Variants in CLYBL observed in about 807,000 individuals in gnomAD.
CLYBL encodes citramalyl-CoA lyase, also known as citramalyl-CoA lyase, mitochondrial.
A neutral mutation model predicts 38.9 loss-of-function variants in CLYBL; 31 were observed. The ratio of observed to expected loss-of-function variants is 0.80; its 90% CI spans 0.60 to 1.08. CLYBL has a LOEUF of 1.08. CLYBL is among the 50% of genes least tolerant of loss of function. The pLI is 0.00. For synonymous variants in CLYBL, 171 were observed against 158.6 expected, an observed-to-expected ratio of 1.08 and a Z score of -0.59; for missense variants, 434 against 411.6, an observed-to-expected ratio of 1.05 and a Z score of -0.47.
intron 1 of CLYBL, among the ~76,000 whole-genome samples, 176 bp downstream of exon 1, chr13:99,606,933 G>A (rs916570730): frequency 1.3e-5 from 2 of 152,174 alleles, no homozygotes; most frequent in Non-Finnish European, 2.9e-5. Context: ...GCTGCCGCCC[G>A]CGCCTCCCTT....
chr13:99,639,882 G>A (rs751297797), intron 1 of CLYBL, among the ~76,000 whole-genome samples: 8 of 152,128 alleles, frequency 5.3e-5, no homozygotes, highest in Non-Finnish European at 7.4e-5. Context: ...GGGCAACATA[G>A]CAAGACATTA....
intron 1 of CLYBL, among the ~76,000 whole-genome samples, chr13:99,645,497 CAAA>C (rs35412408): frequency 3.2e-5 from 3 of 94,180 alleles, no homozygotes; most frequent in Admixed American, 1.2e-4. Context: ...GACTCTGTCT[CAAA>C]AAAAAAAAAA....
chr13:99,693,835 A>T (rs2047942131), intron 1 of CLYBL, among the ~76,000 whole-genome samples: 1 of 152,094 alleles, frequency 6.6e-6, no homozygotes, highest in African/African-American at 2.4e-5. Flanking sequence ...CATCTTTCTG[A>T]TTTCTTCTGC....
chr13:99,713,141 AT>A (rs1483561149), intron 1 of CLYBL, among the ~76,000 whole-genome samples: 1 of 151,350 alleles, frequency 6.6e-6, no homozygotes, highest in African/African-American at 2.4e-5. Context: ...TTTTCTGTAA[AT>A]TTTTTTCTCT....
intron 2 of CLYBL, among the ~76,000 whole-genome samples, chr13:99,825,175 A>C (rs957055033): frequency 5.3e-5 from 8 of 152,202 alleles, no homozygotes; most frequent in Admixed American, 2.6e-4. Context: ...CTGCCCACTT[A>C]ACAAGCAACA....
At chr13:99,691,824 A>T (rs766026190) in intron 1 of CLYBL, among the ~76,000 whole-genome samples, 1 of 152,178 alleles carries the variant, frequency 6.6e-6, no homozygotes, top group Non-Finnish European at 1.5e-5. Context: ...ACTGCCTCCA[A>T]ATCATCACAG....
At chr13:99,720,109 T>G (rs901983889) in intron 1 of CLYBL, among the ~76,000 whole-genome samples, 6 of 151,832 alleles carry the variant, frequency 4.0e-5, no homozygotes, top group African/African-American at 1.4e-4. Context: ...TTTTAAGTTT[T>G]ATTTATTTTA....
intron 1 of CLYBL, among the ~76,000 whole-genome samples, chr13:99,710,920 T>C (rs2048221443): frequency 7.0e-6 from 1 of 142,722 alleles, no homozygotes; most frequent in Non-Finnish European, 1.5e-5. Flanking sequence ...AGAGTTTTGC[T>C]GTTGTTGCCC....
intron 2 of CLYBL, among the ~76,000 whole-genome samples, chr13:99,810,802 A>G (rs1173850059): frequency 6.6e-6 from 1 of 152,080 alleles, no homozygotes; most frequent in Non-Finnish European, 1.5e-5. Context: ...GACATCAGAG[A>G]CTGAATTCCC....
rs542277050 is a variant in CLYBL, at chr13:99,636,615, C to T, written c.62+29858C>T. On this transcript the variant is annotated intron_variant, in intron 1 of 8. Coordinates refer to ENST00000339105, the MANE Select transcript of CLYBL (RefSeq NM_206808.5). ...TATCAGCCACTACATTCCTGGCCCC[C>T]TCCTTTTAGAGAGAGATCTCTGATT... Among the ~76,000 whole-genome samples the T allele has an allele frequency of 9.2e-5, 14 of 152,256 alleles. No individual in the cohort carries two copies. In the South Asian group the frequency reaches 2.7e-3, roughly 29 times the overall value.
intron 2 of CLYBL, among the ~76,000 whole-genome samples, chr13:99,782,143 T>C (rs757658665): frequency 6.6e-6 from 1 of 152,228 alleles, no homozygotes; most frequent in African/African-American, 2.4e-5. Flanking sequence ...TCTCTTCAGG[T>C]GCAACTTTCA....
intron 2 of CLYBL, among the ~76,000 whole-genome samples, chr13:99,812,026 CAA>C (rs2050352677): frequency 6.6e-6 from 1 of 152,160 alleles, no homozygotes; most frequent in African/African-American, 2.4e-5. Context: ...AGCTGAAAAT[CAA>C]AAGTTTTATT....
At chr13:99,855,693 A>G (rs1258278786) in intron 2 of CLYBL, among the ~76,000 whole-genome samples, 1 of 152,124 alleles carries the variant, frequency 6.6e-6, no homozygotes, top group African/African-American at 2.4e-5. Context: ...ACTAAACTTA[A>G]TTGTTCTTAG....
chr13:99,654,488 T>C lies in CLYBL; in HGVS notation c.62+47731T>C, dbSNP rs561897853. Among the ~76,000 whole-genome samples the C allele has an allele frequency of 1.1e-3, 164 of 152,352 alleles. 2 individuals carry two copies. Among genetic ancestry groups the C allele is most frequent in the African/African-American group, 3.9e-3 (161 of 41,580 alleles). ...CCAACCCAAATCTTCTTCTCCCAAGTCTTCTCTTTCCCAGCATATTATGCT... is the reference window on the plus strand; with the variant it reads ...CCAACCCAAATCTTCTTCTCCCAAGCCTTCTCTTTCCCAGCATATTATGCT... On this transcript the variant is annotated intron_variant, in intron 1 of 8. Transcript: ENST00000339105.
At chr13:99,855,776 A>G (rs138430247) in intron 2 of CLYBL, among the ~76,000 whole-genome samples, 8 of 152,284 alleles carry the variant, frequency 5.3e-5, no homozygotes, top group African/African-American at 9.6e-5. Context: ...TCACCCTGAA[A>G]ATACCAAAAA....
Position 99,773,005 on chromosome 13 carries a change from A to C in CLYBL, c.244A>C (p.Lys82Gln), listed in dbSNP as rs189643142. 8 of 1,608,648 alleles carry C rather than the reference A, an allele frequency of 5.0e-6. No homozygotes were observed. The highest frequency in any genetic ancestry group is 5.9e-6 in the Non-Finnish European group (7 of 1,178,656). The change falls in exon 2 of 9, where the codon AAA becomes CAA. Residue 82 changes from lysine to glutamine, a missense_variant. Transcript: ENST00000339105. Reference protein sequence around the residue: ...LDCEDGVAANKKNEARLRIVK... With the variant: ...LDCEDGVAANQKNEARLRIVK... ...CTGTGAGGATGGAGTGGCTGCAAAC[A>C]AAAAGGTAATGGCATGATTTTAGTA...
At chr13:99,663,563 G>A (rs1437469717) in intron 1 of CLYBL, among the ~76,000 whole-genome samples, 1 of 152,312 alleles carries the variant, frequency 6.6e-6, no homozygotes, top group East Asian at 1.9e-4. Flanking sequence ...TTCGGGACAT[G>A]CCTTGGTTTG....
chr13:99,688,444 T>C lies in CLYBL; in HGVS notation c.62+81687T>C, dbSNP rs189143223. Among the ~76,000 whole-genome samples the C allele has an allele frequency of 5.5e-3, 838 of 152,376 alleles. 7 individuals carry two copies. Among genetic ancestry groups the C allele is most frequent in the Non-Finnish European group, 9.2e-3 (624 of 68,032 alleles). On this transcript the variant is annotated intron_variant, in intron 1 of 8. Coordinates refer to ENST00000339105, the MANE Select transcript of CLYBL (RefSeq NM_206808.5). Reference sequence around the variant, plus strand: ...CTTTGTAAGATTGCCTTAAATGTATTGCCTTCTTGGCAGCATAATGCCAGA... The same window carrying C: ...CTTTGTAAGATTGCCTTAAATGTATCGCCTTCTTGGCAGCATAATGCCAGA...
chr13:99,874,039 T>C (rs1022048908), intron 7 of CLYBL, among the ~76,000 whole-genome samples: 2 of 152,214 alleles, frequency 1.3e-5, no homozygotes, highest in African/African-American at 4.8e-5. Flanking sequence ...TTCAGGAAAC[T>C]GAAAGATATT....
Sources: allele counts gnomAD v4.1 joint callset (sites outside exome capture counted in the v4.1 genomes callset), GRCh38; gene constraint gnomAD v4.1.1; transcripts MANE v1.5; gene names NCBI Gene and HGNC (gene_info 2026-07-23, HGNC 2026-07-21).